The following NBPF20 variants were observed in gnomAD, a reference collection of about 807,000 sequenced individuals.
NBPF20 encodes NBPF member 20.
NBPF20 carries 90 observed loss-of-function variants against 68.1 expected under a neutral mutation model. The observed-to-expected ratio is 1.32, with a 90% CI of 1.11 to 1.58. The LOEUF (loss-of-function observed/expected upper bound fraction) is 1.58, where lower values mean the gene tolerates loss of function less well. NBPF20 is among the 40% of genes most tolerant of loss of function. The pLI, the probability that NBPF20 is intolerant of heterozygous loss-of-function variation, is 0.00. For missense variants in NBPF20, 816 were observed against 601.2 expected, an observed-to-expected ratio of 1.36 and a Z score of -3.74; for synonymous variants, 290 against 228.1, an observed-to-expected ratio of 1.27 and a Z score of -2.45.
At chr1:145,393,777 T>A in intron 9 of NBPF20, 107 bp downstream of exon 14, 3 of 1,448,302 alleles carry the variant, frequency 2.1e-6, no homozygotes, top group Middle Eastern at 2.4e-4. Context: ...TAATTCAGAC[T>A]TGTCTGACAA....
upstream of NBPF20, chr1:145,408,294 A>T (rs1247118871): frequency 6.5e-6 from 1 of 153,732 alleles, no homozygotes; most frequent in African/African-American, 2.4e-5. Context: ...CCAAAACCAC[A>T]TGGGCTGGGG....
the NBPF20 span, among the ~76,000 whole-genome samples, chr1:145,410,826 A>G: frequency 2.8e-5 from 4 of 140,454 alleles, no homozygotes; most frequent in Non-Finnish European, 4.6e-5. Context: ...GTATATATAT[A>G]TATATATATA....
Position 145,403,214 on chromosome 1 carries a change from A to G in NBPF20, c.278+2T>C. The G allele has an allele frequency of 6.2e-7, 1 of 1,612,222 alleles. No individual in the cohort carries two copies. The highest frequency in any genetic ancestry group is 8.5e-7 in the Non-Finnish European group (1 of 1,179,960). ...CTGCCTGCCACCATGGGGTCCCCTC[A>G]CCTGAGCTCCTCAGCTTGCTTGAGC... On this transcript the variant is annotated splice_donor_variant, in intron 3 of 137. Coordinates refer to ENST00000369373, the Ensembl canonical transcript of NBPF20. LOFTEE classifies it high-confidence loss of function.
the NBPF20 span, among the ~76,000 whole-genome samples, chr1:145,424,848 G>C: frequency 5.9e-5 from 9 of 152,156 alleles, no homozygotes; most frequent in African/African-American, 2.2e-4. Context: ...GGCTACAAAT[G>C]CTCCTCATGT....
In NBPF20 at chr1:145,395,757, G is replaced by A. The variant is rs1227405424; in HGVS notation, c.828-616C>T. On this transcript the variant is annotated intron_variant, in intron 7 of 137. Transcript: ENST00000369373. ...AAACTCCAACAGACCTGAAGCTGAG[G>A]GACCTGACTGTTAGAAGGAAAACTA... Among the ~76,000 whole-genome samples, 7 of 148,178 alleles carry A rather than the reference G, an allele frequency of 4.7e-5. 2 individuals are homozygous for A. Among genetic ancestry groups the A allele is most frequent in the African/African-American group, 1.9e-4 (7 of 37,824 alleles).
intron 136 of NBPF20, 141 bp from the exon 142 acceptor site, chr1:145,292,630 C>T (rs1313421937): frequency 1.2e-5 from 9 of 740,272 alleles, no homozygotes; most frequent in East Asian, 2.4e-5. Flanking sequence ...TTCAGGAGGC[C>T]TGAAGGCTGT....
chr1:145,410,896 C>G, the NBPF20 span, among the ~76,000 whole-genome samples: 2 of 125,456 alleles, frequency 1.6e-5, no homozygotes, highest in Non-Finnish European at 3.1e-5. Context: ...TACACACACA[C>G]ACACACGTTT....
At position 145,393,615 on chromosome 1, in the gene NBPF20, A is replaced by C; in HGVS notation, c.1043+269T>G. On this transcript the variant is annotated intron_variant, in intron 9 of 137. Transcript: ENST00000369373. ...AAAAGCATGTCCTCAATAATTTTGC[A>C]TAAAATGTGCTCAAGTTTCCCTGCA... 7.9e-6 allele frequency: 6 copies of C among 757,060 alleles called. No individual in the cohort carries two copies. The East Asian group carries it at 1.1e-4, about 14-fold the overall frequency. 46.9% of individuals were successfully genotyped at this position (757,060 alleles called of 1,614,324 possible). A position where few individuals can be genotyped will look rare whatever the true frequency, so the allele number is the denominator to read the frequency against.
rs1662553945 is a variant in NBPF20, at chr1:145,402,191, G to T, written c.469C>A (p.His157Asn). Residue 157 changes from histidine to asparagine, a missense_variant, in exon 4 of 138, where the codon CAC (histidine) becomes AAC (asparagine). Physicochemically the swap from His to Asn is moderately conservative, Grantham distance 68. Transcript: ENST00000369373. ...CCTGGGCTGAGCTTTTGGACAAGGT[G>T]CTGTGCCAGTCTACACCCCTCAGCC... The T allele has an allele frequency of 5.5e-6, 8 of 1,465,906 alleles. No homozygotes were observed. The Admixed American group carries it at 8.4e-5, about 15-fold the overall frequency. 90.8% of individuals were successfully genotyped at this position (1,465,906 alleles called of 1,614,324 possible).
Position 145,292,380 on chromosome 1 carries a change from C to A in NBPF20, c.16697+1G>T, listed in dbSNP as rs782367776. ...AAGCATCCACAATTGCTGAAAGTCACCTGGGGCATGGTGGGTTTTGATCTT... is the reference window on the plus strand; with the variant it reads ...AAGCATCCACAATTGCTGAAAGTCAACTGGGGCATGGTGGGTTTTGATCTT... On this transcript the variant is annotated splice_donor_variant, in intron 137 of 137. Coordinates refer to ENST00000369373, the Ensembl canonical transcript of NBPF20. LOFTEE classifies it high-confidence loss of function. 24 of 679,526 alleles carry A rather than the reference C, an allele frequency of 3.5e-5. No individual in the cohort carries two copies. The highest frequency in any genetic ancestry group is 5.5e-5 in the Non-Finnish European group (21 of 383,604). The allele number at this position is 679,526 out of a possible 1,614,324, so 42.1% of individuals were successfully genotyped here.
chr1:145,291,474 G>T, exon 138 of NBPF20: 1 of 1,611,984 alleles, frequency 6.2e-7, no homozygotes, highest in South Asian at 1.1e-5. Flanking sequence ...ATCTTCACGT[G>T]CCTATAGGTC....
At chr1:145,291,483 T>C (rs782107760) in exon 138 of NBPF20, 4 of 1,611,970 alleles carry the variant, frequency 2.5e-6, no homozygotes, top group Non-Finnish European at 3.4e-6. Context: ...TGCCTATAGG[T>C]CCTGCCTGCA....
exon 2 of NBPF20, chr1:145,405,168 G>A (rs868912792): frequency 3.7e-5 from 59 of 1,613,314 alleles, no homozygotes; most frequent in African/African-American, 1.2e-4. Context: ...TGAGGTTTCC[G>A]AACTGCTGTT....
chr1:145,312,028 T>A (rs1248630956), intron 112 of NBPF20, among the ~76,000 whole-genome samples, 180 bp downstream of exon 117: 1 of 41,164 alleles, frequency 2.4e-5, no homozygotes, highest in Non-Finnish European at 3.8e-5. Context: ...CCTTGCTCAC[T>A]GACCCATCCC....
chr1:145,424,509 A>G, the NBPF20 span, among the ~76,000 whole-genome samples: 1 of 152,240 alleles, frequency 6.6e-6, no homozygotes, highest in Non-Finnish European at 1.5e-5. Flanking sequence ...TAACTTCGTG[A>G]AGCACTGGGA....
intron 137 of NBPF20, among the ~76,000 whole-genome samples, chr1:145,292,045 A>G (rs1661146995): frequency 6.7e-6 from 1 of 149,594 alleles, no homozygotes; most frequent in South Asian, 2.1e-4. Context: ...AGGGAGTCAA[A>G]GGACACTCTG....
the NBPF20 span, among the ~76,000 whole-genome samples, chr1:145,419,414 G>A: frequency 1.3e-5 from 2 of 152,154 alleles, no homozygotes; most frequent in East Asian, 1.9e-4. Context: ...TTCCTCCTCT[G>A]AAACACATAA....
At chr1:145,419,133 GAGGA>G in the NBPF20 span, among the ~76,000 whole-genome samples, 519 of 139,152 alleles carry the variant, frequency 3.7e-3, 1 homozygote, top group Non-Finnish European at 5.8e-3. Flanking sequence ...GGGAGGAAGG[GAGGA>G]AGGAAGGAAG....
intron 5 of NBPF20, 90 bp downstream of exon 10, chr1:145,400,969 T>G (rs1216006637): frequency 5.2e-6 from 8 of 1,525,486 alleles, no homozygotes; most frequent in South Asian, 2.2e-5. Flanking sequence ...TGTGGGTTTT[T>G]GGCCGATCAT....
Sources: gnomAD v4.1 joint callset for allele counts (sites outside exome capture counted in the v4.1 genomes callset) on GRCh38, gnomAD v4.1.1 for gene constraint, MANE v1.5 for transcripts, NCBI Gene and HGNC (gene_info 2026-07-23, HGNC 2026-07-21) for gene names.